Variants in ERG observed in about 807,000 individuals in gnomAD.
The protein encoded by ERG is ETS transcription factor ERG.
In ERG, 9 loss-of-function variants were observed where a neutral mutation model predicts 55.3. That is an observed-to-expected ratio of 0.16 (90% CI 0.10 to 0.28). ERG has a LOEUF of 0.28. Among genes scored for constraint, ERG ranks in the 10% least tolerant of loss-of-function variants. The pLI is 1.00. For synonymous variants in ERG, 223 were observed against 237.3 expected, an observed-to-expected ratio of 0.94 and a Z score of 0.55; for missense variants, 434 against 631.6, an observed-to-expected ratio of 0.69 and a Z score of 3.35.
chr21:38,426,187 A>C (rs1230649247), intron 2 of ERG, among the ~76,000 whole-genome samples: 2 of 151,736 alleles, frequency 1.3e-5, no homozygotes, highest in African/African-American at 4.8e-5. Context: ...CCCATGAAGT[A>C]GATCCTGAAT....
the ERG span, among the ~76,000 whole-genome samples, chr21:38,374,917 C>A: frequency 6.6e-6 from 1 of 152,260 alleles, no homozygotes; most frequent in East Asian, 1.9e-4. Context: ...TGACCCCATG[C>A]CTTTGCTCAA....
At chr21:38,646,876 C>T (rs1333644152) in intron 1 of ERG, among the ~76,000 whole-genome samples, 3 of 152,120 alleles carry the variant, frequency 2.0e-5, no homozygotes, top group Non-Finnish European at 2.9e-5. Context: ...ACGTCAGTCC[C>T]GCCACATGAC....
intron 2 of ERG, among the ~76,000 whole-genome samples, chr21:38,574,223 C>A (rs753805173): frequency 3.9e-5 from 6 of 152,204 alleles, no homozygotes; most frequent in Non-Finnish European, 8.8e-5. Context: ...TAAAGAAAGT[C>A]TTTCTCCCAC....
At chr21:38,621,877 G>A (rs1244163257) in intron 1 of ERG, among the ~76,000 whole-genome samples, 2 of 152,232 alleles carry the variant, frequency 1.3e-5, no homozygotes, top group African/African-American at 2.4e-5. Flanking sequence ...TTCCAGCAAT[G>A]AAAACCTGCT....
In ERG at chr21:38,542,170, A is replaced by G. The variant is rs556354193; in HGVS notation, c.-41+33492T>C. The stretch of plus-strand genomic sequence containing the variant: ...CAGCTAATTTTTTTACATTTTTGGT[A>G]GAGATGATGGGGTTTCACTGTGTTG... On this transcript the variant is annotated intron_variant, in intron 2 of 8. Transcript: ENST00000398897. 2.0e-3 allele frequency among the ~76,000 whole-genome samples: 311 copies of G among 152,150 alleles called. 2 individuals are homozygous for G. Among genetic ancestry groups the G allele is most frequent in the African/African-American group, 7.1e-3 (294 of 41,524 alleles).
chr21:38,652,855 G>A (rs892918837), intron 1 of ERG, among the ~76,000 whole-genome samples: 1 of 152,144 alleles, frequency 6.6e-6, no homozygotes, highest in Non-Finnish European at 1.5e-5. Flanking sequence ...TCCCACTGAG[G>A]ATGCCACTCT....
At chr21:38,576,359 G>C (rs929552266) in intron 1 of ERG, among the ~76,000 whole-genome samples, 1 of 152,120 alleles carries the variant, frequency 6.6e-6, no homozygotes, top group Admixed American at 6.5e-5. Flanking sequence ...GATTTGTCCA[G>C]GATCACCTGG....
At chr21:38,512,700 C>A (rs2059521672) in intron 2 of ERG, among the ~76,000 whole-genome samples, 1 of 151,952 alleles carries the variant, frequency 6.6e-6, no homozygotes, top group Non-Finnish European at 1.5e-5. Context: ...GAGTAACTGC[C>A]CCCTTTTCAA....
chr21:38,593,860 A>C (rs1272282881), intron 1 of ERG, among the ~76,000 whole-genome samples: 1 of 152,222 alleles, frequency 6.6e-6, no homozygotes, highest in Non-Finnish European at 1.5e-5. Flanking sequence ...TTCTTTCAGC[A>C]TCACTTTGAT....
At chr21:38,626,184 A>G (rs550710475) in intron 1 of ERG, among the ~76,000 whole-genome samples, 10 of 152,168 alleles carry the variant, frequency 6.6e-5, no homozygotes, top group African/African-American at 2.4e-4. Context: ...GGTCTCCCAA[A>G]GTGCTGGGAT....
At chr21:38,494,436 CGCCAAATTGTTGGGAT>C (rs1202023599) in intron 1 of ERG, among the ~76,000 whole-genome samples, 4 of 152,304 alleles carry the variant, frequency 2.6e-5, no homozygotes, top group Non-Finnish European at 5.9e-5. Flanking sequence ...CCAATAAATC[CGCCAAATTGTTGGGAT>C]GCCTATAATG....
At chr21:38,484,788 C>A (rs2059268349) in intron 1 of ERG, among the ~76,000 whole-genome samples, 1 of 152,190 alleles carries the variant, frequency 6.6e-6, no homozygotes, top group Non-Finnish European at 1.5e-5. Context: ...GGCCTAGTGA[C>A]ATACAGCTGT....
At chr21:38,540,035 T>A (rs1237049274) in intron 2 of ERG, among the ~76,000 whole-genome samples, 4 of 151,736 alleles carry the variant, frequency 2.6e-5, no homozygotes, top group Admixed American at 6.6e-5. Context: ...TAGCTGAAAT[T>A]ACAGGCACAC....
chr21:38,411,735 G>GA (rs972357640), intron 3 of ERG, among the ~76,000 whole-genome samples: 6 of 151,824 alleles, frequency 4.0e-5, no homozygotes, highest in African/African-American at 1.5e-4. Context: ...CAGAGTTCTA[G>GA]AAAAAAAACT....
At chr21:38,396,944 A>G (rs2146441117) in intron 6 of ERG, among the ~76,000 whole-genome samples, 1 of 152,238 alleles carries the variant, frequency 6.6e-6, no homozygotes, top group East Asian at 1.9e-4. Flanking sequence ...AAAAATCATA[A>G]AACCACAGAA....
intron 1 of ERG, among the ~76,000 whole-genome samples, chr21:38,580,195 C>T (rs968436742): frequency 6.6e-6 from 1 of 152,162 alleles, no homozygotes; most frequent in African/African-American, 2.4e-5. Context: ...CCTCGTGATC[C>T]ACCCACGTTG....
At chr21:38,643,441 G>T (rs1396135646) in intron 1 of ERG, among the ~76,000 whole-genome samples, 6 of 152,122 alleles carry the variant, frequency 3.9e-5, no homozygotes, top group African/African-American at 1.4e-4. Context: ...ACAGAGTAAG[G>T]TCACAACTCC....
At chr21:38,443,633 T>A (rs1385424358) in intron 2 of ERG, among the ~76,000 whole-genome samples, 1 of 152,240 alleles carries the variant, frequency 6.6e-6, no homozygotes, top group Non-Finnish European at 1.5e-5. Flanking sequence ...AGAAACATTG[T>A]ATCAAATGCA....
intron 5 of ERG, 61 bp downstream of exon 5, chr21:38,402,496 A>T: frequency 7.7e-7 from 1 of 1,291,882 alleles, no homozygotes; most frequent in Non-Finnish European, 1.1e-6. Flanking sequence ...CCATGAAAGC[A>T]TGCAACCTGT....
Sources: allele counts gnomAD v4.1 joint callset (sites outside exome capture counted in the v4.1 genomes callset), GRCh38; gene constraint gnomAD v4.1.1; transcripts MANE v1.5; gene names NCBI Gene and HGNC (gene_info 2026-07-23, HGNC 2026-07-21).